SPAST: variants seen among roughly 807,000 people sequenced by gnomAD.
The protein encoded by SPAST is spastic paraplegia 4 (autosomal dominant; spastin).
Under a neutral mutation model 76.6 loss-of-function variants are expected in SPAST, and 30 were observed. The observed-to-expected ratio is 0.39, with a 90% CI of 0.29 to 0.53. SPAST has a LOEUF of 0.53. Ranked by LOEUF, SPAST falls within the 20% of genes least tolerant of loss-of-function variation. The pLI is 0.68. For synonymous variants in SPAST, 305 were observed against 281.0 expected (o/e 1.09, Z -0.86); for missense variants, 717 against 770.5 (o/e 0.93, Z 0.82).
chr2:32,107,958 C>T (rs1459960910), intron 4 of SPAST, among the ~76,000 whole-genome samples: 1 of 152,086 alleles, frequency 6.6e-6, no homozygotes, highest in East Asian at 1.9e-4. Context: ...CTGCTTATTA[C>T]TACAATGTGT....
intron 16 of SPAST, among the ~76,000 whole-genome samples, chr2:32,152,774 G>A (rs1274786227): frequency 6.6e-6 from 1 of 151,254 alleles, no homozygotes; most frequent in African/African-American, 2.4e-5. Flanking sequence ...TTGAGACAGG[G>A]TATCACTCTG....
intron 14 of SPAST, 130 bp downstream of exon 14, chr2:32,143,545 C>T (rs1679791032): frequency 1.5e-6 from 1 of 660,868 alleles, no homozygotes. Context: ...TTCTCTCATC[C>T]TCTACCTCCT....
At chr2:32,120,977 G>T (rs538366115) in intron 7 of SPAST, among the ~76,000 whole-genome samples, 1 of 152,132 alleles carries the variant, frequency 6.6e-6, no homozygotes, top group Non-Finnish European at 1.5e-5. Context: ...AGCTTCCAGT[G>T]CTGCTTTGTA....
In SPAST at chr2:32,064,266, AGGG is replaced by A; in HGVS notation, c.415+23_415+25del. The A allele has an allele frequency of 4.4e-6, 2 of 455,070 alleles. No individual in the cohort carries two copies. The highest frequency in any genetic ancestry group is 5.8e-6 in the Non-Finnish European group (2 of 345,314). 28.2% of individuals were successfully genotyped at this position (455,070 alleles called of 1,614,324 possible). ...AGAAAGGTAACTAGGGGGCTGGGGGAGGGGGCGGCGGCGCCGGGAAGAAGGCGG... is the reference window on the plus strand; with the variant it reads ...AGAAAGGTAACTAGGGGGCTGGGGGAGGCGGCGGCGCCGGGAAGAAGGCGG... On this transcript the variant is annotated intron_variant, in intron 1 of 16. Transcript: ENST00000315285.
At chr2:32,065,881 A>G (rs887991993) in intron 1 of SPAST, 4 of 152,228 alleles carry the variant, frequency 2.6e-5, no homozygotes, top group African/African-American at 7.2e-5. Context: ...GACAGTAAGG[A>G]AAGAGTGACG....
intron 3 of SPAST, among the ~76,000 whole-genome samples, chr2:32,091,498 A>G (rs1464845430): frequency 6.7e-6 from 1 of 150,216 alleles, no homozygotes; most frequent in Non-Finnish European, 1.5e-5. Context: ...GCTGGTCTCA[A>G]ACTCCTGACA....
chr2:32,086,130 A>G (rs1342027768), intron 1 of SPAST, among the ~76,000 whole-genome samples: 1 of 151,978 alleles, frequency 6.6e-6, no homozygotes, highest in Non-Finnish European at 1.5e-5. Context: ...TCAAATAATA[A>G]TAAGGAATAG....
At chr2:32,147,618 T>TTTG (rs1553319980) in intron 16 of SPAST, among the ~76,000 whole-genome samples, 2 of 118,908 alleles carry the variant, frequency 1.7e-5, no homozygotes, top group African/African-American at 3.1e-5. Flanking sequence ...CATCTGGCTG[T>TTTG]TTTGTTTGTT....
Position 32,114,787 on chromosome 2 carries a change from G to C in SPAST, c.832G>C (p.Val278Leu), listed in dbSNP as rs369908571. Residue 278 changes from valine to leucine, a missense_variant, in exon 5 of 17, where the codon GTG becomes CTG. This residue lies in a region of SPAST where 543 missense variants were observed against 445.2 expected (regional missense o/e 1.22). Transcript: ENST00000315285. ...SYSGLSMVSGVKQGSGPAPTT... is the reference protein window; with the variant it reads ...SYSGLSMVSGLKQGSGPAPTT... The stretch of plus-strand genomic sequence containing the variant: ...CAGTGGTTTATCCATGGTTTCTGGA[G>C]TGAAACAGGGATCTGGTCCTGCTCC... 3 of 1,614,086 alleles carry C rather than the reference G, an allele frequency of 1.9e-6. No homozygotes were observed. The highest frequency in any genetic ancestry group is 2.5e-6 in the Non-Finnish European group (3 of 1,179,990).
intron 4 of SPAST, among the ~76,000 whole-genome samples, chr2:32,109,613 A>G (rs1457988258): frequency 1.3e-5 from 2 of 150,808 alleles, no homozygotes; most frequent in Non-Finnish European, 3.0e-5. Flanking sequence ...AGTTTTTGAT[A>G]ATCATTGACT....
chr2:32,147,345 GTTTTTTTTTT>G, intron 16 of SPAST, 87 bp downstream of exon 16: 3 of 160,090 alleles, frequency 1.9e-5, no homozygotes, highest in South Asian at 6.1e-5. Flanking sequence ...TGTGTGTGTG[GTTTTTTTTTT>G]TTTTTTTTTT....
intron 1 of SPAST, among the ~76,000 whole-genome samples, chr2:32,065,435 A>T (rs554357412): frequency 1.3e-5 from 2 of 152,316 alleles, no homozygotes; most frequent in East Asian, 3.9e-4. Context: ...GTGTTATTTA[A>T]TCCTCACAAT....
At chr2:32,134,669 G>A (rs1679477181) in intron 9 of SPAST, among the ~76,000 whole-genome samples, 2 of 151,950 alleles carry the variant, frequency 1.3e-5, no homozygotes, top group African/African-American at 2.4e-5. Flanking sequence ...GTATTGTTGT[G>A]GAAGTTAGGA....
intron 9 of SPAST, among the ~76,000 whole-genome samples, chr2:32,131,249 A>G (rs977737503): frequency 6.6e-6 from 1 of 152,224 alleles, no homozygotes; most frequent in Admixed American, 6.5e-5. Context: ...TTCAGATACC[A>G]GTTGAAATGT....
At chr2:32,067,558 C>T (rs1676571688) in intron 1 of SPAST, among the ~76,000 whole-genome samples, 1 of 152,066 alleles carries the variant, frequency 6.6e-6, no homozygotes, top group Non-Finnish European at 1.5e-5. Flanking sequence ...TTAAATCTTT[C>T]AGTATCACAT....
chr2:32,092,505 A>G lies in SPAST; in HGVS notation c.586+2900A>G, dbSNP rs1198287348. On this transcript the variant is annotated intron_variant, in intron 3 of 16. Transcript: ENST00000315285. The stretch of plus-strand genomic sequence containing the variant: ...ATAGGACATTAGAAGTATTAATATC[A>G]ATTAGAGACTCATCTTTGAATGTGA... Among the ~76,000 whole-genome samples, 3 of 152,142 alleles carry G rather than the reference A, an allele frequency of 2.0e-5. No homozygotes were observed. In the East Asian group the frequency reaches 5.8e-4, roughly 29 times the overall value.
intron 3 of SPAST, among the ~76,000 whole-genome samples, chr2:32,092,121 C>T (rs1451059898): frequency 3.3e-5 from 5 of 152,048 alleles, no homozygotes; most frequent in Non-Finnish European, 5.9e-5. Context: ...TCATTTACTC[C>T]TATATGGTCA....
intron 9 of SPAST, among the ~76,000 whole-genome samples, chr2:32,133,247 T>G (rs1679429941): frequency 6.6e-6 from 1 of 152,234 alleles, no homozygotes; most frequent in African/African-American, 2.4e-5. Context: ...GTTTATTGAA[T>G]AACTAACATG....
intron 12 of SPAST, 71 bp downstream of exon 12, chr2:32,137,259 T>C: frequency 8.6e-7 from 1 of 1,165,938 alleles, no homozygotes; most frequent in Non-Finnish European, 1.3e-6. Context: ...ATCTTACATA[T>C]TATTTCCTTA....
Sources: allele counts gnomAD v4.1 joint callset (sites outside exome capture counted in the v4.1 genomes callset), GRCh38; gene constraint gnomAD v4.1.1; regional missense constraint gnomAD v4.1.1; transcripts MANE v1.5; gene names NCBI Gene and HGNC (gene_info 2026-07-23, HGNC 2026-07-21).